The following HTT variants were observed in gnomAD, a reference collection of about 807,000 sequenced individuals.
HTT encodes the protein huntington disease protein.
A neutral mutation model predicts 362.3 loss-of-function variants in HTT; 104 were observed. The observed-to-expected ratio is 0.29, with a 90% CI of 0.24 to 0.34. The LOEUF is 0.34. Ranked by LOEUF, HTT falls within the 10% of genes least tolerant of loss-of-function variation. The probability of loss-of-function intolerance (pLI) is 1.00; values close to 1 mark genes in which losing one functional copy is unlikely to be tolerated. For synonymous variants in HTT, 1,577 were observed against 1,548.7 expected, an observed-to-expected ratio of 1.02 and a Z score of -0.43; for missense variants, 3,301 against 3,928.6, an observed-to-expected ratio of 0.84 and a Z score of 4.27.
intron 61 of HTT, among the ~76,000 whole-genome samples, chr4:3,235,065 T>A (rs151313825): frequency 3.3e-5 from 5 of 151,888 alleles, no homozygotes; most frequent in Non-Finnish European, 7.4e-5. Flanking sequence ...GGGCAGGGCG[T>A]TGGGGAGGTA....
intron 26 of HTT, among the ~76,000 whole-genome samples, chr4:3,153,479 A>T (rs978436718): frequency 6.6e-6 from 1 of 152,174 alleles, no homozygotes. Flanking sequence ...GATGTTCTAT[A>T]TGCTCTCATG....
At chr4:3,165,964 T>C (rs1336909423) in intron 29 of HTT, among the ~76,000 whole-genome samples, 1 of 151,940 alleles carries the variant, frequency 6.6e-6, no homozygotes, top group East Asian at 1.9e-4. Context: ...TGGTGAGGAG[T>C]TGTGATCCTT....
intron 34 of HTT, 24 bp from the exon 35 acceptor site, chr4:3,178,274 C>A: frequency 6.4e-7 from 1 of 1,554,452 alleles, no homozygotes; most frequent in South Asian, 1.1e-5. Flanking sequence ...AAAGAAAGGT[C>A]TAAATGGATG....
chr4:3,208,712 C>G lies in HTT; in HGVS notation c.6153-61C>G, dbSNP rs527817921. On this transcript the variant is annotated intron_variant, in intron 45 of 66. Coordinates refer to ENST00000355072, the MANE Select transcript of HTT (RefSeq NM_001388492.1). ...AGAATCCTAGTGTGCAGAGTTTAGA[C>G]TAAGACTAAAAAAAAAAAAAAACAA... 1.1e-4 allele frequency: 151 copies of G among 1,438,022 alleles called. No individual in the cohort carries two copies. The East Asian group carries it at 3.6e-3, about 34-fold the overall frequency. 89.1% of individuals were successfully genotyped at this position (1,438,022 alleles called of 1,614,324 possible).
In HTT at chr4:3,074,747, A is replaced by T; in HGVS notation, c.-79A>T. The T allele has an allele frequency of 7.0e-7, 1 of 1,424,556 alleles. No individual in the cohort carries two copies. Among genetic ancestry groups the T allele is most frequent in the Non-Finnish European group, 9.3e-7 (1 of 1,071,468 alleles). The allele number at this position is 1,424,556 out of a possible 1,614,324, so 88.2% of individuals were successfully genotyped here. A position where few individuals can be genotyped will look rare whatever the true frequency, so the allele number is the denominator to read the frequency against. ...GCTTTTACCTGCGGCCCAGAGCCCC[A>T]TTCATTGCCCCGGTGCTGAGCGGCG... On this transcript the variant is annotated 5_prime_UTR_variant, in exon 1 of 67. Transcript: ENST00000355072.
intron 28 of HTT, 83 bp from the exon 29 acceptor site, chr4:3,160,199 C>T (rs968808782): frequency 2.4e-5 from 21 of 874,380 alleles, no homozygotes; most frequent in Non-Finnish European, 3.4e-5. Flanking sequence ...CTGCTGCAGC[C>T]GTCGATGTTT....
chr4:3,132,420 G>C, intron 16 of HTT, 142 bp from the exon 17 acceptor site: 1 of 655,562 alleles, frequency 1.5e-6, no homozygotes, highest in Non-Finnish European at 2.6e-6. Flanking sequence ...TAATCACTTA[G>C]GGTTATTATA....
intron 28 of HTT, among the ~76,000 whole-genome samples, 163 bp from the exon 29 acceptor site, chr4:3,160,119 T>C (rs363141): frequency 0.2 from 29,689 of 152,174 alleles, 4,468 homozygotes; most frequent in African/African-American, 0.43. Flanking sequence ...AAAATATTTT[T>C]CCAGTGCTGA....
chr4:3,115,575 T>G, intron 7 of HTT, 130 bp downstream of exon 7: 1 of 715,450 alleles, frequency 1.4e-6, no homozygotes, highest in Non-Finnish European at 2.3e-6. Context: ...GAATGTGAAC[T>G]GCACTGGGGC....
intron 26 of HTT, among the ~76,000 whole-genome samples, chr4:3,153,005 C>T (rs1044287036): frequency 3.3e-5 from 5 of 152,028 alleles, no homozygotes; most frequent in East Asian, 1.9e-4. Flanking sequence ...TCCATGCACC[C>T]GATTGTAGCC....
intron 8 of HTT, among the ~76,000 whole-genome samples, chr4:3,118,298 T>TG (rs1715129279): frequency 1.3e-5 from 2 of 152,346 alleles, no homozygotes; most frequent in East Asian, 3.9e-4. Flanking sequence ...TTTTAACTGA[T>TG]GCTTTTAAGA....
intron 28 of HTT, 38 bp downstream of exon 28, chr4:3,157,237 A>G: frequency 6.3e-7 from 1 of 1,577,812 alleles, no homozygotes; most frequent in South Asian, 1.1e-5. Context: ...ATATATGCAC[A>G]CATACTTACG....
At chr4:3,205,453 A>C (rs932442628) in intron 42 of HTT, among the ~76,000 whole-genome samples, 3 of 152,100 alleles carry the variant, frequency 2.0e-5, no homozygotes, top group African/African-American at 7.2e-5. Flanking sequence ...TACTTTCTCT[A>C]TTGAAGTAGT....
intron 26 of HTT, among the ~76,000 whole-genome samples, chr4:3,148,977 C>T (rs1035685266): frequency 9.9e-5 from 15 of 152,186 alleles, no homozygotes; most frequent in African/African-American, 2.9e-4. Flanking sequence ...AAAATGTGAC[C>T]ATGTGTTTTA....
chr4:3,110,537 A>C (rs963101129), intron 6 of HTT, among the ~76,000 whole-genome samples: 1 of 152,178 alleles, frequency 6.6e-6, no homozygotes, highest in African/African-American at 2.4e-5. Context: ...ATGTTTTTCT[A>C]TCGTCTAGTA....
In HTT at chr4:3,228,469, C is replaced by A; in HGVS notation, c.7849-146C>A. 1 of 825,398 alleles carries A rather than the reference C, an allele frequency of 1.2e-6. No homozygotes were observed. Among genetic ancestry groups the A allele is most frequent in the Non-Finnish European group, 1.8e-6 (1 of 563,002 alleles). The allele number at this position is 825,398 out of a possible 1,614,324, so 51.1% of individuals were successfully genotyped here. On this transcript the variant is annotated intron_variant, in intron 57 of 66. Transcript: ENST00000355072. This position sits in a 1 kb window ranked among gnomAD's most constrained non-coding sequence, Gnocchi z 4.3. ...CCCACCCTCTCTGTGGGCTCCCTTG[C>A]CCGTAACCTGGGGTGTCTGAACGAC... is the stretch of plus-strand genomic sequence containing the variant.
intron 40 of HTT, among the ~76,000 whole-genome samples, chr4:3,198,257 G>A (rs1337433540): frequency 8.6e-6 from 1 of 116,750 alleles, no homozygotes; most frequent in African/African-American, 3.4e-5. Flanking sequence ...ATAGAGTCTC[G>A]CTCCATTGCC....
At position 3,160,350 on chromosome 4, in the gene HTT, T is replaced by C. The variant is rs544889425; in HGVS notation, c.3822T>C (p.Leu1274=). Reference sequence around the variant, plus strand: ...TTCTCCGCTCAGCCTTGGATGTTCTTTCTCAGATACTAGAGCTGGCCACAC... The same window carrying C: ...TTCTCCGCTCAGCCTTGGATGTTCTCTCTCAGATACTAGAGCTGGCCACAC... ...GGFLRSALDV[L]SQILELATLQ... The change falls in exon 29 of 67, where the codon CTT becomes CTC. Residue 1274 remains leucine (L), a synonymous_variant. Coordinates refer to ENST00000355072, the MANE Select transcript of HTT (RefSeq NM_001388492.1). 367 of 1,555,660 alleles carry C rather than the reference T, an allele frequency of 2.4e-4. 3 individuals are homozygous for C. In the South Asian group the frequency reaches 4.1e-3, roughly 17 times the overall value.
intron 49 of HTT, 55 bp downstream of exon 49, chr4:3,212,764 C>A: frequency 6.3e-7 from 1 of 1,584,634 alleles, no homozygotes; most frequent in Non-Finnish European, 8.7e-7. Flanking sequence ...ATGGGGCTGA[C>A]ACTGAAGAGG....
Sources: gnomAD v4.1 joint callset for allele counts (sites outside exome capture counted in the v4.1 genomes callset) on GRCh38, gnomAD v4.1.1 for gene constraint, Gnocchi (gnomAD v3.1) non-coding constraint, MANE v1.5 for transcripts, NCBI Gene and HGNC (gene_info 2026-07-23, HGNC 2026-07-21) for gene names.